TTLL11: variants seen among roughly 807,000 people sequenced by gnomAD.
The protein encoded by TTLL11 is tubulin polyglutamylase TTLL11.
A neutral mutation model predicts 51.7 loss-of-function variants in TTLL11; 42 were observed. The ratio of observed to expected loss-of-function variants is 0.81; its 90% CI spans 0.64 to 1.05. TTLL11 has a LOEUF of 1.05. TTLL11 is among the 50% of genes least tolerant of loss of function. The pLI is 0.00. For missense variants in TTLL11, 799 were observed against 940.4 expected (o/e 0.85, Z 1.97); for synonymous variants, 381 against 383.5 (o/e 0.99, Z 0.08).
chr9:121,835,369 G>A (rs1459032129), intron 8 of TTLL11, among the ~76,000 whole-genome samples: 2 of 152,248 alleles, frequency 1.3e-5, no homozygotes. Context: ...TCACACTACT[G>A]GAGAGTGGTA....
chr9:121,819,817 C>T lies in TTLL11; in HGVS notation c.*2770G>A, dbSNP rs998922254. ...ATCGTTTCAATTACATCCAATAAAA[C>T]GAGTGGCCGATTACCAAAGGGGTAA... On this transcript the variant is annotated 3_prime_UTR_variant, in exon 9 of 9. Transcript: ENST00000321582. Among the ~76,000 whole-genome samples, 2 of 152,202 alleles carry T rather than the reference C, an allele frequency of 1.3e-5. No individual in the cohort carries two copies. Among genetic ancestry groups the T allele is most frequent in the Admixed American group, 1.3e-4 (2 of 15,292 alleles).
chr9:121,875,544 G>A (rs781642302), intron 6 of TTLL11, among the ~76,000 whole-genome samples: 9 of 152,162 alleles, frequency 5.9e-5, no homozygotes, highest in Non-Finnish European at 1.0e-4. Context: ...GGACTCAACC[G>A]CAAATTCAGA....
intron 6 of TTLL11, among the ~76,000 whole-genome samples, chr9:121,925,092 C>A (rs1840677453): frequency 2.6e-5 from 4 of 152,218 alleles, no homozygotes; most frequent in African/African-American, 9.7e-5. Flanking sequence ...ACAGGCTTCA[C>A]TTCTCCTCTG....
intron 8 of TTLL11, among the ~76,000 whole-genome samples, chr9:121,826,531 G>GTATATATATATATATA (rs1564260511): frequency 2.5e-5 from 1 of 39,732 alleles, no homozygotes; most frequent in African/African-American, 1.3e-4. Context: ...ATATATATGT[G>GTATATATATATATATA]TGTGTGTATA....
chr9:122,092,966 C>A lies in TTLL11; in HGVS notation c.183G>T (p.Lys61Asn). The A allele has an allele frequency of 6.3e-7, 1 of 1,577,232 alleles. No individual in the cohort carries two copies. The highest frequency in any genetic ancestry group is 1.4e-5 in the African/African-American group (1 of 73,304). Residue 61 changes from lysine to asparagine, a missense_variant, in exon 1 of 9, where the codon AAG (lysine) becomes AAT (asparagine). Lys to Asn is a moderately conservative substitution (Grantham distance 94). This residue lies in a region of TTLL11 where 166 missense variants were observed against 161.6 expected (regional missense o/e 1.03). Coordinates refer to ENST00000321582, the MANE Select transcript of TTLL11 (RefSeq NM_001139442.2). The part of the protein sequence containing the change: ...PECKAGEEQP[K>N]VLAPAPAQPS... ...GCTGCGCCGGGGCCGGGGCCAGGAC[C>A]TTGGGCTGCTCCTCCCCTGCCTTGC...
chr9:122,059,510 T>A (rs573433866), intron 1 of TTLL11, among the ~76,000 whole-genome samples: 197 of 152,264 alleles, frequency 1.3e-3, no homozygotes, highest in African/African-American at 4.5e-3. Flanking sequence ...AAAATGACTC[T>A]AGAGATGAAT....
chr9:122,045,913 G>A (rs78714851), intron 1 of TTLL11, among the ~76,000 whole-genome samples: 3,720 of 152,280 alleles, frequency 0.024, 137 homozygotes, highest in African/African-American at 0.085. Flanking sequence ...TAGGGAGTTA[G>A]TGTTTAATGG....
At chr9:121,907,307 G>A (rs558249745) in intron 6 of TTLL11, among the ~76,000 whole-genome samples, 3 of 152,074 alleles carry the variant, frequency 2.0e-5, no homozygotes, top group East Asian at 1.9e-4. Flanking sequence ...AAAATTAGCC[G>A]GGTGTGATGG....
At chr9:122,059,131 C>T (rs553004290) in intron 1 of TTLL11, among the ~76,000 whole-genome samples, 2 of 152,136 alleles carry the variant, frequency 1.3e-5, no homozygotes, top group Non-Finnish European at 2.9e-5. Context: ...AGCCTGTATC[C>T]TGTTGCAAAT....
chr9:122,021,251 C>CGGGGG (rs764568988), intron 3 of TTLL11, among the ~76,000 whole-genome samples: 59,874 of 151,616 alleles, frequency 0.39, 14,097 homozygotes, highest in African/African-American at 0.67. Flanking sequence ...GCAGAGTGCC[C>CGGGGG]CAGTAGGACC....
intron 6 of TTLL11, among the ~76,000 whole-genome samples, chr9:121,876,899 G>A (rs761939098): frequency 7.9e-5 from 12 of 152,172 alleles, no homozygotes; most frequent in Non-Finnish European, 1.2e-4. Flanking sequence ...ATTCTGATAC[G>A]GGCTAAGGTC....
intron 8 of TTLL11, among the ~76,000 whole-genome samples, chr9:121,831,496 C>T (rs7027451): frequency 0.018 from 2,673 of 152,116 alleles, 63 homozygotes; most frequent in African/African-American, 0.059. Context: ...GTCAGGCATT[C>T]GAGACCAGCC....
rs189261710 is a variant in TTLL11 at position 121,911,902 on chromosome 9, C to G, written c.1482-41154G>C. On this transcript the variant is annotated intron_variant, in intron 6 of 8. Coordinates refer to ENST00000321582, the MANE Select transcript of TTLL11 (RefSeq NM_001139442.2). ...CTATGTAACAAACCTGCACCTTCTA[C>G]ACATGTATCCCAGAACTTAAAGTAT... 3.8e-3 allele frequency among the ~76,000 whole-genome samples: 571 copies of G among 152,164 alleles called. 5 individuals carry two copies. Among genetic ancestry groups the G allele is most frequent in the African/African-American group, 0.013 (545 of 41,492 alleles).
chr9:121,927,552 A>C (rs1840782301), intron 6 of TTLL11, among the ~76,000 whole-genome samples: 1 of 152,176 alleles, frequency 6.6e-6, no homozygotes, highest in Non-Finnish European at 1.5e-5. Flanking sequence ...CCTGGCCCCC[A>C]GGGAGGTGAA....
intron 6 of TTLL11, among the ~76,000 whole-genome samples, chr9:121,935,796 G>T (rs1328111433): frequency 6.6e-6 from 1 of 152,152 alleles, no homozygotes; most frequent in Non-Finnish European, 1.5e-5. Context: ...AACCTCCAGG[G>T]GTTCTGGCTC....
At chr9:121,964,511 T>C (rs1348852207) in intron 6 of TTLL11, among the ~76,000 whole-genome samples, 2 of 152,160 alleles carry the variant, frequency 1.3e-5, no homozygotes, top group African/African-American at 4.8e-5. Context: ...TTGGCCAGGC[T>C]GGTCTTGAAC....
chr9:122,006,349 A>T (rs1295722401), intron 3 of TTLL11, among the ~76,000 whole-genome samples: 1 of 152,094 alleles, frequency 6.6e-6, no homozygotes, highest in Non-Finnish European at 1.5e-5. Flanking sequence ...TCAAAAAAAA[A>T]AAAAGAATTA....
chr9:121,887,391 G>T (rs1446503613), intron 6 of TTLL11, among the ~76,000 whole-genome samples: 1 of 152,166 alleles, frequency 6.6e-6, no homozygotes, highest in Non-Finnish European at 1.5e-5. Context: ...ATTCTGCAAG[G>T]GAGTCAGGTC....
At chr9:121,902,549 G>A (rs1296463152) in intron 6 of TTLL11, among the ~76,000 whole-genome samples, 2 of 151,900 alleles carry the variant, frequency 1.3e-5, no homozygotes, top group African/African-American at 4.8e-5. Flanking sequence ...GTGTGCAGCT[G>A]GGTTTATGCT....
Sources: allele counts gnomAD v4.1 joint callset (sites outside exome capture counted in the v4.1 genomes callset), GRCh38; gene constraint gnomAD v4.1.1; regional missense constraint gnomAD v4.1.1; transcripts MANE v1.5; gene names NCBI Gene and HGNC (gene_info 2026-07-23, HGNC 2026-07-21).